CCDC33: variants seen among roughly 807,000 people sequenced by gnomAD.
CCDC33 encodes the protein coiled-coil domain-containing protein 33.
In CCDC33, 94 loss-of-function variants were observed where a neutral mutation model predicts 91.9. The ratio of observed to expected loss-of-function variants is 1.02; its 90% CI spans 0.87 to 1.21. CCDC33 has a LOEUF of 1.21. Among genes scored for constraint, CCDC33 ranks in the 50% most tolerant of loss-of-function variants. The probability of loss-of-function intolerance (pLI) is 0.00; values close to 1 mark genes in which losing one functional copy is unlikely to be tolerated. For missense variants in CCDC33, 940 were observed against 935.5 expected (o/e 1.00, Z -0.06); for synonymous variants, 396 against 374.5 (o/e 1.06, Z -0.66).
chr15:74,231,636 C>T (rs2074974322), upstream of CCDC33, among the ~76,000 whole-genome samples: 1 of 152,136 alleles, frequency 6.6e-6, no homozygotes, highest in Non-Finnish European at 1.5e-5. Context: ...GCCAGCAGGC[C>T]TGGAGTCAAA....
intron 2 of CCDC33, among the ~76,000 whole-genome samples, chr15:74,250,535 A>G (rs2075675599): frequency 6.6e-6 from 1 of 152,112 alleles, no homozygotes; most frequent in Non-Finnish European, 1.5e-5. Flanking sequence ...GATCTCCCAG[A>G]TGAGGCCAAA....
intron 7 of CCDC33, among the ~76,000 whole-genome samples, chr15:74,274,858 G>A (rs532539227): frequency 2.6e-5 from 4 of 152,352 alleles, no homozygotes; most frequent in Non-Finnish European, 5.9e-5. Flanking sequence ...GCAATGGCAG[G>A]ACACCTGTTG....
At chr15:74,251,627 C>T (rs1036676247) in intron 2 of CCDC33, among the ~76,000 whole-genome samples, 2 of 152,196 alleles carry the variant, frequency 1.3e-5, no homozygotes, top group Admixed American at 6.5e-5. Flanking sequence ...TGGGATGGCA[C>T]AGGGGAGGTG....
rs2060399007 is a variant in CCDC33 at position 74,330,199 on chromosome 15, A to G, written c.1301A>G (p.Asn434Ser). 6.2e-7 allele frequency: 1 copy of G among 1,605,930 alleles called. No individual in the cohort carries two copies. Reference sequence around the variant, plus strand: ...CTCTGGGATCCACAGGAGATGAACAACTACCGGCGGGCCATGCAGAAGATG... The same window carrying G: ...CTCTGGGATCCACAGGAGATGAACAGCTACCGGCGGGCCATGCAGAAGATG... ...PEMSHDTEMN[N>S]YRRAMQKMAE... is the part of the protein sequence containing the mutation. The change falls in exon 12 of 19, where the codon AAC becomes AGC. Residue 434 changes from asparagine (N) to serine (S), a missense_variant. Coordinates refer to ENST00000398814, the MANE Select transcript of CCDC33 (RefSeq NM_025055.5).
intron 2 of CCDC33, among the ~76,000 whole-genome samples, chr15:74,250,467 G>A (rs2075673443): frequency 6.6e-6 from 1 of 152,076 alleles, no homozygotes; most frequent in Admixed American, 6.5e-5. Context: ...GAAACATTCT[G>A]AGAAACATTC....
At chr15:74,289,848 C>T (rs186539640) in intron 10 of CCDC33, among the ~76,000 whole-genome samples, 2 of 152,298 alleles carry the variant, frequency 1.3e-5, no homozygotes, top group Admixed American at 1.3e-4. Context: ...GAATGTGAGC[C>T]TACAACTCCC....
chr15:74,282,962 C>T (rs2142509056), intron 10 of CCDC33, among the ~76,000 whole-genome samples: 1 of 152,342 alleles, frequency 6.6e-6, no homozygotes, highest in African/African-American at 2.4e-5. Flanking sequence ...CCCACTCCTG[C>T]CTTCTTCCCA....
At chr15:74,310,399 T>C (rs995787063) in intron 11 of CCDC33, among the ~76,000 whole-genome samples, 1 of 151,834 alleles carries the variant, frequency 6.6e-6, no homozygotes, top group South Asian at 2.1e-4. Flanking sequence ...CAGCTGAGCG[T>C]GATGGTGCAT....
At chr15:74,224,891 G>A (rs2074738344) in intron 2 of CCDC33, among the ~76,000 whole-genome samples, 1 of 152,194 alleles carries the variant, frequency 6.6e-6, no homozygotes, top group Non-Finnish European at 1.5e-5. Context: ...TGCCCAGCCA[G>A]TCTCCCAAGG....
At chr15:74,314,753 G>T (rs1268337715) in intron 11 of CCDC33, among the ~76,000 whole-genome samples, 1 of 152,218 alleles carries the variant, frequency 6.6e-6, no homozygotes, top group African/African-American at 2.4e-5. Context: ...CAGCATTCCT[G>T]CCAGGAGAGA....
chr15:74,314,244 G>A (rs1277919463), intron 11 of CCDC33, among the ~76,000 whole-genome samples: 1 of 152,284 alleles, frequency 6.6e-6, no homozygotes, highest in Non-Finnish European at 1.5e-5. Flanking sequence ...CTCTCACATC[G>A]ACTAGAATAC....
rs147966987 is a variant in CCDC33 at position 74,279,524 on chromosome 15, A to G, written c.760-439A>G. The stretch of plus-strand genomic sequence containing the variant: ...AGGTGTGTGCTGCATTTATTTGTTT[A>G]TTTATTTATTTATTTATTTTATTTA... On this transcript the variant is annotated intron_variant, in intron 7 of 18. Coordinates refer to ENST00000398814, the MANE Select transcript of CCDC33 (RefSeq NM_025055.5). Among the ~76,000 whole-genome samples, 1,511 of 151,862 alleles carry G rather than the reference A, an allele frequency of 9.9e-3. 16 individuals are homozygous for G. Among genetic ancestry groups the G allele is most frequent in the South Asian group, 0.038 (181 of 4,806 alleles).
At chr15:74,255,634 A>G (rs2075838034) in intron 2 of CCDC33, among the ~76,000 whole-genome samples, 3 of 152,244 alleles carry the variant, frequency 2.0e-5, no homozygotes, top group Admixed American at 6.5e-5. Context: ...AGGGACTCTC[A>G]GGATGGTCAG....
intron 1 of CCDC33, among the ~76,000 whole-genome samples, chr15:74,205,789 T>C (rs2074247483): frequency 6.6e-6 from 1 of 151,962 alleles, no homozygotes; most frequent in Non-Finnish European, 1.5e-5. Flanking sequence ...ACCACCTCCC[T>C]CCTCATGGGA....
At chr15:74,242,041 C>T (rs2075365506) in intron 1 of CCDC33, among the ~76,000 whole-genome samples, 1 of 152,138 alleles carries the variant, frequency 6.6e-6, no homozygotes, top group Non-Finnish European at 1.5e-5. Context: ...TGGTGGGCAC[C>T]CCACGCTACC....
At chr15:74,296,576 A>G (rs1051028801) in intron 11 of CCDC33, among the ~76,000 whole-genome samples, 7 of 152,184 alleles carry the variant, frequency 4.6e-5, no homozygotes, top group African/African-American at 1.7e-4. Flanking sequence ...CGGTGAGCCA[A>G]GATTGTGCCA....
chr15:74,236,008 G>A (rs1382874758), upstream of CCDC33, among the ~76,000 whole-genome samples: 17 of 152,176 alleles, frequency 1.1e-4, no homozygotes, highest in Non-Finnish European at 4.4e-5. Flanking sequence ...ACGATGGCTG[G>A]TAGATTCTTC....
Position 74,218,708 on chromosome 15 carries a change from G to A in CCDC33, c.522G>A (p.Thr174=), listed in dbSNP as rs1278267417. 7 of 1,289,688 alleles carry A rather than the reference G, an allele frequency of 5.4e-6. No individual in the cohort carries two copies. Among genetic ancestry groups the A allele is most frequent in the East Asian group, 5.5e-5 (1 of 18,020 alleles). The allele number at this position is 1,289,688 out of a possible 1,614,324, so 79.9% of individuals were successfully genotyped here. A position where few individuals can be genotyped will look rare whatever the true frequency, so the allele number is the denominator to read the frequency against. Residue 174 remains threonine, a synonymous_variant, in exon 2 of 3, where the codon ACG becomes ACA. Transcript: ENST00000635913. The surrounding 1 kb of genome is among the most constrained non-coding windows in gnomAD (Gnocchi z 4.8). ...ACCTGGCTCTGCTCCGGGCTAGCAC[G>A]GACCCCACAGCCCGACACTGTGGGA...
At chr15:74,226,375 G>A (rs1041116860) in intron 2 of CCDC33, among the ~76,000 whole-genome samples, 11 of 152,194 alleles carry the variant, frequency 7.2e-5, no homozygotes, top group African/African-American at 2.7e-4. Context: ...TCTGTACGAT[G>A]GACAGAGTCC....
Sources: allele counts gnomAD v4.1 joint callset (sites outside exome capture counted in the v4.1 genomes callset), GRCh38; gene constraint gnomAD v4.1.1; non-coding constraint Gnocchi (gnomAD v3.1); transcripts MANE v1.5; gene names NCBI Gene and HGNC (gene_info 2026-07-23, HGNC 2026-07-21).